Variants in IRAK2 observed in about 807,000 individuals in gnomAD.
IRAK2 encodes the protein interleukin-1 receptor-associated kinase-like 2.
In IRAK2, 57 loss-of-function variants were observed where a neutral mutation model predicts 72.0. That is an observed-to-expected ratio of 0.79 (90% CI 0.64 to 0.99). The LOEUF is 0.99. Ranked by LOEUF, IRAK2 falls within the 50% of genes least tolerant of loss-of-function variation. The probability of loss-of-function intolerance (pLI) is 0.00; values close to 1 mark genes in which losing one functional copy is unlikely to be tolerated. For missense variants in IRAK2, 790 were observed against 794.4 expected (o/e 0.99, Z 0.07); for synonymous variants, 293 against 312.7 (o/e 0.94, Z 0.67).
intron 8 of IRAK2, among the ~76,000 whole-genome samples, chr3:10,220,970 AC>A (rs1485743504): frequency 2.0e-5 from 3 of 152,116 alleles, no homozygotes; most frequent in Admixed American, 2.0e-4. Context: ...ACATTTCGCT[AC>A]ATTGTATACC....
At chr3:10,207,080 TTTTG>T (rs923112687) in intron 3 of IRAK2, among the ~76,000 whole-genome samples, 1 of 151,502 alleles carries the variant, frequency 6.6e-6, no homozygotes, top group Non-Finnish European at 1.5e-5. Flanking sequence ...CTTAAACTCT[TTTTG>T]TTTGTTTTTT....
rs534483886 is a variant in IRAK2, at chr3:10,236,390, C to T, written c.1473+1731C>T. On this transcript the variant is annotated intron_variant, in intron 11 of 12. Transcript: ENST00000256458. ...TTTAACAGAATCTCACTCTTTCACCCAGGCTACAGTGTAGTGGTGCAATCT... is the reference window on the plus strand; with the variant it reads ...TTTAACAGAATCTCACTCTTTCACCTAGGCTACAGTGTAGTGGTGCAATCT... Among the ~76,000 whole-genome samples the T allele has an allele frequency of 2.0e-5, 3 of 147,736 alleles. No homozygotes were observed. In the South Asian group the frequency reaches 6.6e-4, roughly 32 times the overall value.
At chr3:10,222,875 T>C (rs1271085111) in intron 9 of IRAK2, 44 bp downstream of exon 9, 1 of 1,550,772 alleles carries the variant, frequency 6.4e-7, no homozygotes, top group African/African-American at 1.4e-5. Context: ...CACCTTGATT[T>C]GTCCTTCCCA....
chr3:10,218,815 G>A (rs1335473734), intron 7 of IRAK2, among the ~76,000 whole-genome samples: 1 of 152,136 alleles, frequency 6.6e-6, no homozygotes, highest in Non-Finnish European at 1.5e-5. Context: ...GGAAACTGAG[G>A]CTCAGAGATG....
chr3:10,222,148 A>G (rs1403983452), intron 8 of IRAK2, among the ~76,000 whole-genome samples: 2 of 152,206 alleles, frequency 1.3e-5, no homozygotes, highest in East Asian at 1.9e-4. Context: ...TCGGCCTCCC[A>G]AAGTGCTGGG....
intron 11 of IRAK2, 74 bp from the exon 12 acceptor site, chr3:10,238,674 T>G: frequency 6.9e-7 from 1 of 1,438,944 alleles, no homozygotes; most frequent in Non-Finnish European, 9.6e-7. Flanking sequence ...CCCTCTCTGC[T>G]GGGAGGCCAG....
intron 10 of IRAK2, among the ~76,000 whole-genome samples, chr3:10,232,051 C>T (rs949574663): frequency 1.3e-5 from 2 of 152,120 alleles, no homozygotes; most frequent in Non-Finnish European, 2.9e-5. Context: ...GGCATGAACC[C>T]AGGAGGCGGA....
rs78635518 is a variant in IRAK2 at position 10,190,883 on chromosome 3, A to T, written c.278-9486A>T. ...CCTCCTGCATTCTTGTAGCCAGCTAAGTCATCTAGAACATGTGGCTTCCAA... is the reference window on the plus strand; with the variant it reads ...CCTCCTGCATTCTTGTAGCCAGCTATGTCATCTAGAACATGTGGCTTCCAA... On this transcript the variant is annotated intron_variant, in intron 2 of 12. Transcript: ENST00000256458. 4.9e-3 allele frequency among the ~76,000 whole-genome samples: 740 copies of T among 152,322 alleles called. 25 individuals are homozygous for T. The South Asian group carries it at 0.084, about 17-fold the overall frequency.
chr3:10,166,812 T>G (rs1696699106), intron 1 of IRAK2, among the ~76,000 whole-genome samples: 1 of 152,098 alleles, frequency 6.6e-6, no homozygotes, highest in South Asian at 2.1e-4. Context: ...GCCCACTAAT[T>G]TTTATGTTTT....
chr3:10,240,530 T>A (rs1698036830), intron 12 of IRAK2, among the ~76,000 whole-genome samples: 3 of 58,144 alleles, frequency 5.2e-5, no homozygotes, highest in African/African-American at 1.6e-4. Context: ...AAATAAAAAA[T>A]TAGGAAGCCC....
chr3:10,209,330 T>C (rs1697483048), intron 3 of IRAK2, among the ~76,000 whole-genome samples: 1 of 152,208 alleles, frequency 6.6e-6, no homozygotes, highest in Non-Finnish European at 1.5e-5. Context: ...TCCTGAGCAC[T>C]GCGTCTACCT....
chr3:10,167,667 G>A (rs1348044726), intron 1 of IRAK2, among the ~76,000 whole-genome samples: 1 of 152,114 alleles, frequency 6.6e-6, no homozygotes, highest in African/African-American at 2.4e-5. Flanking sequence ...CACCTACCTC[G>A]GCTTCCCAAA....
chr3:10,189,720 G>C (rs998180234), intron 2 of IRAK2, among the ~76,000 whole-genome samples: 2 of 152,088 alleles, frequency 1.3e-5, no homozygotes, highest in Admixed American at 1.3e-4. Flanking sequence ...GGAAAATTTG[G>C]GGCTGCTATG....
chr3:10,166,754 C>T (rs1017507799), intron 1 of IRAK2, among the ~76,000 whole-genome samples: 1 of 152,208 alleles, frequency 6.6e-6, no homozygotes, highest in Non-Finnish European at 1.5e-5. Context: ...AAGTGATTCT[C>T]TTGCCTCAGC....
chr3:10,219,453 G>A (rs1176410942), intron 7 of IRAK2, among the ~76,000 whole-genome samples: 4 of 138,020 alleles, frequency 2.9e-5, no homozygotes, highest in African/African-American at 7.4e-5. Context: ...CAAATAGCTG[G>A]GACTACAGGC....
intron 3 of IRAK2, among the ~76,000 whole-genome samples, chr3:10,202,476 G>A (rs1339246070): frequency 6.6e-6 from 1 of 151,816 alleles, no homozygotes; most frequent in Non-Finnish European, 1.5e-5. Flanking sequence ...ACAAAAAATT[G>A]GCCGGGCGTG....
intron 9 of IRAK2, among the ~76,000 whole-genome samples, chr3:10,223,767 C>T (rs1207367668): frequency 3.9e-5 from 6 of 152,246 alleles, no homozygotes; most frequent in Non-Finnish European, 8.8e-5. Flanking sequence ...GAGTAACAGT[C>T]AGGTTGGCTT....
intron 1 of IRAK2, among the ~76,000 whole-genome samples, chr3:10,176,162 G>T (rs1696873074): frequency 6.7e-6 from 1 of 148,978 alleles, no homozygotes. Context: ...ACTAGTGGTA[G>T]CTCCCTGCAA....
intron 9 of IRAK2, 90 bp from the exon 10 acceptor site, chr3:10,226,281 G>A (rs1293903648): frequency 1.9e-6 from 2 of 1,060,304 alleles, no homozygotes; most frequent in East Asian, 2.6e-5. Context: ...TGCACCTGGA[G>A]CTCAGAACTG....
Sources: allele counts gnomAD v4.1 joint callset (sites outside exome capture counted in the v4.1 genomes callset), GRCh38; gene constraint gnomAD v4.1.1; transcripts MANE v1.5; gene names NCBI Gene and HGNC (gene_info 2026-07-23, HGNC 2026-07-21).